The following ICE2 variants were observed in gnomAD, a reference collection of about 807,000 sequenced individuals.
ICE2 encodes interactor of little elongation complex ELL subunit 2, also known as little elongation complex subunit 2.
Under a neutral mutation model 105.4 loss-of-function variants are expected in ICE2, and 87 were observed. The ratio of observed to expected loss-of-function variants is 0.83; its 90% CI spans 0.69 to 0.99. The LOEUF is 0.99. Among genes scored for constraint, ICE2 ranks in the 50% least tolerant of loss-of-function variants. The pLI, the probability that ICE2 is intolerant of heterozygous loss-of-function variation, is 0.00. For synonymous variants in ICE2, 399 were observed against 392.0 expected (o/e 1.02, Z -0.21); for missense variants, 1,323 against 1,146.7 (o/e 1.15, Z -2.22).
intron 5 of ICE2, among the ~76,000 whole-genome samples, chr15:60,459,275 A>C (rs914711142): frequency 6.6e-6 from 1 of 152,186 alleles, no homozygotes; most frequent in Non-Finnish European, 1.5e-5. Flanking sequence ...ACCAAAATTA[A>C]AGTACAGTAA....
rs549201454 is a variant in ICE2, at chr15:60,442,205, A to C, written c.2425+211T>G. The stretch of plus-strand genomic sequence containing the variant: ...CTACTTGGAAGGCTGCAGTGGGAGG[A>C]TCACTTGAGGCCAGGAGTTTGAGGT... On this transcript the variant is annotated intron_variant, in intron 12 of 15. Coordinates refer to ENST00000261520, the MANE Select transcript of ICE2 (RefSeq NM_024611.6). 2.6e-5 allele frequency: 11 copies of C among 417,718 alleles called. No individual in the cohort carries two copies. In the South Asian group the frequency reaches 3.9e-4, roughly 15 times the overall value. 25.9% of individuals were successfully genotyped at this position (417,718 alleles called of 1,614,324 possible).
chr15:60,449,978 T>C (rs1041164959), intron 9 of ICE2, 137 bp from the exon 10 acceptor site: 1 of 673,332 alleles, frequency 1.5e-6, no homozygotes, highest in African/African-American at 1.8e-5. Context: ...TAAAAGGTTC[T>C]TGTTTAAGAT....
rs1306290354 is a variant in ICE2 at position 60,453,067 on chromosome 15, C to T, written c.1125+536G>A. 4 of 695,616 alleles carry T rather than the reference C, an allele frequency of 5.8e-6. No homozygotes were observed. In the East Asian group the frequency reaches 5.3e-4, roughly 93 times the overall value. 43.1% of individuals were successfully genotyped at this position (695,616 alleles called of 1,614,324 possible). ...CCAACATGGCGAAATCTCATCTCTA[C>T]TAAAACTACAAAAAATTAGCTGGGT... is the stretch of plus-strand genomic sequence containing the variant. On this transcript the variant is annotated intron_variant, in intron 9 of 15. Transcript: ENST00000261520.
intron 11 of ICE2, among the ~76,000 whole-genome samples, chr15:60,444,476 T>C (rs1341212251): frequency 6.6e-6 from 1 of 152,140 alleles, no homozygotes; most frequent in Non-Finnish European, 1.5e-5. Flanking sequence ...AGTTTACTAT[T>C]TTTTTCCCTT....
rs1009217117 is a variant in ICE2, at chr15:60,422,302, T to G, written c.*1332A>C. The G allele has an allele frequency of 6.6e-6, 1 of 151,906 alleles. No homozygotes were observed. Among genetic ancestry groups the G allele is most frequent in the Admixed American group, 6.6e-5 (1 of 15,228 alleles). 9.4% of individuals were successfully genotyped at this position (151,906 alleles called of 1,614,324 possible). ...CACACCCCACCACACCCGGCTAACT[T>G]TTTTATTTGTAGAGATGAGGTCTGT... On this transcript the variant is annotated 3_prime_UTR_variant, in exon 16 of 16. Coordinates refer to ENST00000261520, the MANE Select transcript of ICE2 (RefSeq NM_024611.6).
rs1398214983 is a variant in ICE2, at chr15:60,436,188, TC to T, written c.2464del (p.Glu822LysfsTer8). On this transcript the variant is annotated frameshift_variant, in exon 13 of 16. Coordinates refer to ENST00000261520, the MANE Select transcript of ICE2 (RefSeq NM_024611.6). LOFTEE classifies it high-confidence loss of function. ...DAFTSKLFLLEEITSEELKEK... is the reference protein window; with the variant it reads ...DAFTSKLFLLXEITSEELKEK... Reference sequence around the variant, plus strand: ...TTTTAATTCTTCTGAGGTAATTTCTTCCAGTAGAAAAAGTTTTGAAGTAAAT... The same window carrying T: ...TTTTAATTCTTCTGAGGTAATTTCTTCAGTAGAAAAAGTTTTGAAGTAAAT... The T allele has an allele frequency of 1.4e-6, 2 of 1,467,648 alleles. No individual in the cohort carries two copies. The highest frequency in any genetic ancestry group is 1.8e-6 in the Non-Finnish European group (2 of 1,091,772). 90.9% of individuals were successfully genotyped at this position (1,467,648 alleles called of 1,614,324 possible). A position where few individuals can be genotyped will look rare whatever the true frequency, so the allele number is the denominator to read the frequency against.
In ICE2 at chr15:60,454,862, C is replaced by A. The variant is rs914917455; in HGVS notation, c.943+141G>T. 31 of 664,856 alleles carry A rather than the reference C, an allele frequency of 4.7e-5. No homozygotes were observed. In the South Asian group the frequency reaches 6.4e-4, roughly 14 times the overall value. 41.2% of individuals were successfully genotyped at this position (664,856 alleles called of 1,614,324 possible). A position where few individuals can be genotyped will look rare whatever the true frequency, so the allele number is the denominator to read the frequency against. On this transcript the variant is annotated intron_variant, in intron 8 of 15. Transcript: ENST00000261520. ...TAATGCTCTCTCTCACCTTGCCCCC[C>A]ACCCCCTGACAGGCCCCGGTGTGTG...
Position 60,468,093 on chromosome 15 carries a change from C to A in ICE2, c.376G>T (p.Gly126Ter). ...AKIPANSKAV[G>*]INKNDYLQYL... Reference sequence around the variant, plus strand: ...TGCAAGTAGTCATTTTTATTTATTCCAACAGCTTTGGAATTTGCAGGAATC... The same window carrying A: ...TGCAAGTAGTCATTTTTATTTATTCAAACAGCTTTGGAATTTGCAGGAATC... The change falls in exon 4 of 16, where the codon GGA (glycine) becomes TGA (stop). Residue 126 changes from glycine (G) to a stop codon, truncating the protein, a stop_gained. Coordinates refer to ENST00000261520, the MANE Select transcript of ICE2 (RefSeq NM_024611.6). LOFTEE classifies it high-confidence loss of function. 6.2e-7 allele frequency: 1 copy of A among 1,613,216 alleles called. No individual in the cohort carries two copies. Among genetic ancestry groups the A allele is most frequent in the Non-Finnish European group, 8.5e-7 (1 of 1,179,590 alleles).
intron 15 of ICE2, among the ~76,000 whole-genome samples, chr15:60,424,776 G>C (rs564472644): frequency 6.6e-6 from 1 of 152,210 alleles, no homozygotes; most frequent in Non-Finnish European, 1.5e-5. Context: ...ACAGTGCTGG[G>C]ATTATGGGCA....
rs980224835 is a variant in ICE2, at chr15:60,421,067, T to C, written c.*2567A>G. The stretch of plus-strand genomic sequence containing the variant: ...GAGAGAATAACTGTGGGGACCTACT[T>C]TGGAGTGCATGGCACATAGTTGCAC... On this transcript the variant is annotated 3_prime_UTR_variant, in exon 16 of 16. Transcript: ENST00000261520. The C allele has an allele frequency of 1.3e-5, 2 of 152,180 alleles. No individual in the cohort carries two copies. The highest frequency in any genetic ancestry group is 2.9e-5 in the Non-Finnish European group (2 of 68,036). The allele number at this position is 152,180 out of a possible 1,614,324, so 9.4% of individuals were successfully genotyped here. A position where few individuals can be genotyped will look rare whatever the true frequency, so the allele number is the denominator to read the frequency against.
chr15:60,445,843 A>G, intron 11 of ICE2: 1 of 902,748 alleles, frequency 1.1e-6, no homozygotes, highest in South Asian at 5.1e-5. Context: ...AAGTTAAAGA[A>G]ATGAGGTTAG....
At chr15:60,461,695 T>C (rs1347829740) in intron 5 of ICE2, among the ~76,000 whole-genome samples, 2 of 152,188 alleles carry the variant, frequency 1.3e-5, no homozygotes, top group East Asian at 1.9e-4. Context: ...AAATGAGACA[T>C]ATGAGGTATT....
At position 60,442,371 on chromosome 15, in the gene ICE2, T is replaced by TA. The variant is rs778649306; in HGVS notation, c.2425+44dup. On this transcript the variant is annotated intron_variant, in intron 12 of 15. Coordinates refer to ENST00000261520, the MANE Select transcript of ICE2 (RefSeq NM_024611.6). ...ACAATTGAATTTACAAGTATGTAAT[T>TA]ACAAGAAAATTAAAAAGGAGAATAA... 1.4e-5 allele frequency: 21 copies of TA among 1,519,612 alleles called. No homozygotes were observed. The African/African-American group carries it at 2.5e-4, about 18-fold the overall frequency. 94.1% of individuals were successfully genotyped at this position (1,519,612 alleles called of 1,614,324 possible).
intron 11 of ICE2, 43 bp from the exon 12 acceptor site, chr15:60,442,588 C>G: frequency 6.9e-7 from 1 of 1,444,936 alleles, no homozygotes. Context: ...TATTAATTTA[C>G]TATTAATAGC....
chr15:60,464,730 T>A (rs1408203262), intron 5 of ICE2, among the ~76,000 whole-genome samples: 35 of 152,218 alleles, frequency 2.3e-4, no homozygotes, highest in Non-Finnish European at 2.9e-5. Flanking sequence ...TGTAGAACTT[T>A]GTAAAGACTC....
intron 9 of ICE2, chr15:60,452,825 G>A (rs1211918077): frequency 8.2e-6 from 8 of 976,668 alleles, no homozygotes; most frequent in Non-Finnish European, 9.7e-6. Context: ...GAGATATTAT[G>A]TAATCTGCCC....
At chr15:60,452,000 G>C in intron 9 of ICE2, 1 of 687,368 alleles carries the variant, frequency 1.5e-6, no homozygotes, top group Non-Finnish European at 1.8e-6. Flanking sequence ...AGCTTTTTTA[G>C]ATGTCATCAA....
intron 13 of ICE2, among the ~76,000 whole-genome samples, chr15:60,433,615 C>T (rs979226506): frequency 6.6e-5 from 10 of 151,530 alleles, no homozygotes; most frequent in East Asian, 5.9e-4. Context: ...CTCAGCCACC[C>T]GAGTAGCTGG....
rs757670777 is a variant in ICE2 at position 60,449,016 on chromosome 15, T to A, written c.1951A>T (p.Met651Leu). 1.9e-6 allele frequency: 3 copies of A among 1,613,814 alleles called. No homozygotes were observed. The Admixed American group carries it at 5.0e-5, about 27-fold the overall frequency. The change falls in exon 10 of 16, where the codon ATG (methionine) becomes TTG (leucine). Residue 651 changes from methionine (M) to leucine (L), a missense_variant. Met to Leu is a conservative substitution (Grantham distance 15, BLOSUM62 2). Coordinates refer to ENST00000261520, the MANE Select transcript of ICE2 (RefSeq NM_024611.6). ...ATTGGCTTTAAGAGCTCATCCTGCA[T>A]TTTTAAAATCTCTCCAACTGGATCA... ...KFDPVGEILK[M>L]QDELLKPISR...
Sources: allele counts gnomAD v4.1 joint callset (sites outside exome capture counted in the v4.1 genomes callset), GRCh38; gene constraint gnomAD v4.1.1; transcripts MANE v1.5; gene names NCBI Gene and HGNC (gene_info 2026-07-23, HGNC 2026-07-21).